The following TADA2A variants were observed in gnomAD, a reference collection of about 807,000 sequenced individuals.
TADA2A encodes the protein transcriptional adapter 2-alpha.
A neutral mutation model predicts 67.4 loss-of-function variants in TADA2A; 38 were observed. The observed-to-expected ratio is 0.56, with a 90% confidence interval of 0.44 to 0.74. TADA2A has a LOEUF of 0.74. Ranked by LOEUF, TADA2A falls within the 30% of genes least tolerant of loss-of-function variation. The probability of loss-of-function intolerance (pLI) is 0.00; values close to 1 mark genes in which losing one functional copy is unlikely to be tolerated. For missense variants in TADA2A, 454 were observed against 547.0 expected (o/e 0.83, Z 1.70); for synonymous variants, 192 against 181.6 (o/e 1.06, Z -0.46).
intron 4 of TADA2A, among the ~76,000 whole-genome samples, chr17:37,431,106 A>G (rs1156828136): frequency 6.6e-6 from 1 of 152,124 alleles, no homozygotes; most frequent in Non-Finnish European, 1.5e-5. Context: ...TGTAATCTGA[A>G]GACCTCCTGT....
chr17:37,466,286 A>G (rs1304704149), intron 11 of TADA2A, among the ~76,000 whole-genome samples: 2 of 152,064 alleles, frequency 1.3e-5, no homozygotes, highest in South Asian at 2.1e-4. Context: ...CAGGCATGGT[A>G]GTGCACACCT....
At chr17:37,456,789 A>G (rs2053404881) in intron 8 of TADA2A, among the ~76,000 whole-genome samples, 1 of 152,322 alleles carries the variant, frequency 6.6e-6, no homozygotes, top group South Asian at 2.1e-4. Context: ...TTATAGGACT[A>G]AGGTGAGGGG....
intron 8 of TADA2A, among the ~76,000 whole-genome samples, chr17:37,445,815 A>G (rs1367922651): frequency 6.6e-6 from 1 of 152,028 alleles, no homozygotes; most frequent in Non-Finnish European, 1.5e-5. Context: ...GTAATTCTCT[A>G]TTGGAATCTG....
Position 37,439,503 on chromosome 17 carries a change from G to A in TADA2A, c.285-1002G>A, listed in dbSNP as rs191792204. The stretch of plus-strand genomic sequence containing the variant: ...TTACTGTGTTGCCCAGGCTGGTCTC[G>A]AACTCCTGAGTTCAAGCCATCCTCC... On this transcript the variant is annotated intron_variant, in intron 5 of 15. Coordinates refer to ENST00000615182, the MANE Select transcript of TADA2A (RefSeq NM_001166105.3). 1.6e-4 allele frequency among the ~76,000 whole-genome samples: 24 copies of A among 151,988 alleles called. No homozygotes were observed. In the East Asian group the frequency reaches 4.3e-3, roughly 27 times the overall value.
At chr17:37,435,663 T>C (rs2052702274) in intron 4 of TADA2A, among the ~76,000 whole-genome samples, 1 of 152,024 alleles carries the variant, frequency 6.6e-6, no homozygotes, top group Admixed American at 6.6e-5. Flanking sequence ...CACTGCAGAC[T>C]CTACCTCCCG....
intron 6 of TADA2A, among the ~76,000 whole-genome samples, chr17:37,441,788 T>C (rs2147972975): frequency 1.3e-5 from 2 of 151,756 alleles, no homozygotes; most frequent in Middle Eastern, 6.8e-3. Flanking sequence ...TGCCTCAGCC[T>C]CCTGAGTAGC....
Position 37,440,663 on chromosome 17 carries a change from G to A in TADA2A, c.442+1G>A. The A allele has an allele frequency of 6.2e-7, 1 of 1,614,128 alleles. No individual in the cohort carries two copies. Among genetic ancestry groups the A allele is most frequent in the Non-Finnish European group, 8.5e-7 (1 of 1,180,016 alleles). ...GCTGACACAGCCATTCCATTTCACT[G>A]TAAGTGCCTCCCTATCTTGATAAGA... On this transcript the variant is annotated splice_donor_variant, in intron 6 of 15. Coordinates refer to ENST00000615182, the MANE Select transcript of TADA2A (RefSeq NM_001166105.3). LOFTEE classifies it high-confidence loss of function.
intron 4 of TADA2A, among the ~76,000 whole-genome samples, chr17:37,437,139 G>T (rs1390901173): frequency 7.4e-6 from 1 of 135,936 alleles, no homozygotes; most frequent in Non-Finnish European, 1.5e-5. Context: ...AGGCTGGAGT[G>T]CAGTGGCGCG....
intron 14 of TADA2A, among the ~76,000 whole-genome samples, chr17:37,474,189 T>G (rs1274597276): frequency 6.6e-6 from 1 of 152,136 alleles, no homozygotes; most frequent in African/African-American, 2.4e-5. Context: ...TAGTGAGCTA[T>G]GATCGCAACA....
chr17:37,420,044 G>A (rs1254475980), intron 2 of TADA2A, among the ~76,000 whole-genome samples: 1 of 146,088 alleles, frequency 6.8e-6, no homozygotes, highest in African/African-American at 2.5e-5. Context: ...CTCAGTGGCT[G>A]ATGCCTTTTT....
At chr17:37,467,621 AC>A in intron 12 of TADA2A, 96 bp downstream of exon 12, 1 of 1,118,668 alleles carries the variant, frequency 8.9e-7, no homozygotes, top group Non-Finnish European at 1.3e-6. Flanking sequence ...TTTTTAAAAA[AC>A]AAGCTTTCCT....
chr17:37,452,071 C>G (rs989018839), intron 8 of TADA2A, among the ~76,000 whole-genome samples: 2 of 152,024 alleles, frequency 1.3e-5, no homozygotes, highest in Non-Finnish European at 2.9e-5. Context: ...CTATTAAATT[C>G]ATCTTACTGA....
chr17:37,438,563 CCTTT>C (rs1371155026), intron 5 of TADA2A, among the ~76,000 whole-genome samples: 11 of 152,142 alleles, frequency 7.2e-5, no homozygotes, highest in African/African-American at 2.7e-4. Flanking sequence ...GTGTATATAA[CCTTT>C]CTTGGTGTTC....
At chr17:37,463,868 G>A (rs551835052) in intron 10 of TADA2A, among the ~76,000 whole-genome samples, 4 of 151,934 alleles carry the variant, frequency 2.6e-5, no homozygotes, top group Admixed American at 6.6e-5. Context: ...CAGGAGAATC[G>A]CTTGAACCCG....
At chr17:37,473,127 A>ATTTT (rs1020173351) in intron 14 of TADA2A, among the ~76,000 whole-genome samples, 10 of 85,660 alleles carry the variant, frequency 1.2e-4, no homozygotes, top group Admixed American at 1.6e-4. Context: ...ACCTGGAGAA[A>ATTTT]TTTTTTTTTT....
chr17:37,424,492 G>A (rs560390441), intron 3 of TADA2A, among the ~76,000 whole-genome samples: 2 of 150,936 alleles, frequency 1.3e-5, no homozygotes, highest in African/African-American at 4.9e-5. Context: ...TCCAGCCTGG[G>A]CGACAGAGCA....
intron 9 of TADA2A, among the ~76,000 whole-genome samples, chr17:37,459,294 T>C (rs1271306435): frequency 1.3e-5 from 2 of 151,928 alleles, no homozygotes; most frequent in Non-Finnish European, 2.9e-5. Flanking sequence ...TTTGTCTTTT[T>C]TTTTTTGAGA....
At chr17:37,435,805 C>T (rs1210031073) in intron 4 of TADA2A, among the ~76,000 whole-genome samples, 3 of 152,034 alleles carry the variant, frequency 2.0e-5, no homozygotes, top group Non-Finnish European at 4.4e-5. Flanking sequence ...GTCTCAAACT[C>T]CTGAGCTCAA....
intron 10 of TADA2A, among the ~76,000 whole-genome samples, chr17:37,462,424 C>A (rs981606886): frequency 2.6e-5 from 4 of 151,826 alleles, no homozygotes; most frequent in Non-Finnish European, 5.9e-5. Context: ...GTCAGGAGAT[C>A]AAGACCATCC....
Sources: gnomAD v4.1 joint callset for allele counts (sites outside exome capture counted in the v4.1 genomes callset) on GRCh38, gnomAD v4.1.1 for gene constraint, MANE v1.5 for transcripts, NCBI Gene and HGNC (gene_info 2026-07-23, HGNC 2026-07-21) for gene names.